The following PUDP variants were observed in gnomAD, a reference collection of about 807,000 sequenced individuals.
PUDP encodes pseudouridine 5'-phosphatase.
In PUDP, 8 loss-of-function variants were observed where a neutral mutation model predicts 9.4. The ratio of observed to expected loss-of-function variants is 0.85; its 90% CI spans 0.50 to 1.53. PUDP has a LOEUF of 1.53. Among genes scored for constraint, PUDP ranks in the 40% most tolerant of loss-of-function variants. The probability of loss-of-function intolerance (pLI) is 0.00; values close to 1 mark genes in which losing one functional copy is unlikely to be tolerated. For synonymous variants in PUDP, 99 were observed against 80.7 expected (o/e 1.23, Z -1.22); for missense variants, 188 against 189.7 (o/e 0.99, Z 0.05).
intron 1 of PUDP, among the ~76,000 whole-genome samples, chrX:6,707,717 T>C (rs951003258): frequency 9.0e-6 from 1 of 111,608 alleles, no homozygotes; most frequent in Non-Finnish European, 1.9e-5. Context: ...CTTCCCTCAC[T>C]AGCCCGCCAC....
At chrX:7,036,089 A>G (rs1489217202) in intron 1 of PUDP, among the ~76,000 whole-genome samples, 1 of 112,046 alleles carries the variant, frequency 8.9e-6, no homozygotes, top group Non-Finnish European at 1.9e-5. Context: ...CCAGACAAAG[A>G]TGCCCAATTT....
At chrX:7,111,904 G>T (rs1402759817) in intron 1 of PUDP, among the ~76,000 whole-genome samples, 1 of 110,514 alleles carries the variant, frequency 9.0e-6, no homozygotes, top group Non-Finnish European at 1.9e-5. Context: ...GACAAGATCT[G>T]CTGTCTCCCT....
intron 3 of PUDP, among the ~76,000 whole-genome samples, chrX:6,949,998 G>A (rs1286934779): frequency 9.0e-6 from 1 of 111,258 alleles, no homozygotes; most frequent in East Asian, 2.9e-4. Context: ...ACCTTGCCCT[G>A]TCTCCAGTAT....
intron 3 of PUDP, among the ~76,000 whole-genome samples, chrX:6,924,078 C>A (rs1203383019): frequency 1.8e-5 from 2 of 111,200 alleles, no homozygotes; most frequent in Non-Finnish European, 3.8e-5. Context: ...TCTAAGGGAG[C>A]CCTTCCCAGA....
chrX:7,130,374 C>CAA (rs2146925670), intron 1 of PUDP, among the ~76,000 whole-genome samples: 1 of 109,909 alleles, frequency 9.1e-6, no homozygotes, highest in East Asian at 2.9e-4. Context: ...ACATACTACA[C>CAA]ACACACACAC....
chrX:6,823,448 A>T (rs1163725035), intron 3 of PUDP, among the ~76,000 whole-genome samples: 2 of 111,661 alleles, frequency 1.8e-5, no homozygotes, highest in Non-Finnish European at 3.8e-5. Flanking sequence ...AATATTTACC[A>T]TCTCTTCTCT....
chrX:7,080,420 T>C (rs1931046839), intron 2 of PUDP, among the ~76,000 whole-genome samples: 1 of 111,815 alleles, frequency 8.9e-6, no homozygotes, highest in South Asian at 3.7e-4. Context: ...AAACAGACTT[T>C]TCAGGAAATT....
chrX:6,731,750 AAGGGAGGG>A (rs777733500), intron 3 of PUDP, among the ~76,000 whole-genome samples: 4 of 78,675 alleles, frequency 5.1e-5, no homozygotes, highest in Non-Finnish European at 9.1e-5. Context: ...GGAAGGAAGG[AAGGGAGGG>A]AGGGAGGGAG....
At position 7,075,505 on chromosome X, in the gene PUDP, AAAAC is replaced by A. The variant is rs60328433; in HGVS notation, c.510+1711_510+1714del. On this transcript the variant is annotated intron_variant, in intron 3 of 3. Transcript: ENST00000381077. ...GGGCAACAGAACGAGACTCCATCTC[AAAAC>A]AAACAAACAAACAAACAAACAAGAC... Among the ~76,000 whole-genome samples, 448 of 107,835 alleles carry A rather than the reference AAAAC, an allele frequency of 4.2e-3. 3 individuals are homozygous for A. The highest frequency in any genetic ancestry group is 0.014 in the African/African-American group (421 of 29,440). 93.6% of individuals were successfully genotyped at this position (107,835 alleles called of 115,157 possible). A position where few individuals can be genotyped will look rare whatever the true frequency, so the allele number is the denominator to read the frequency against.
At chrX:6,792,483 T>C (rs1925764991) in intron 3 of PUDP, among the ~76,000 whole-genome samples, 2 of 109,186 alleles carry the variant, frequency 1.8e-5, no homozygotes, top group Non-Finnish European at 1.9e-5. Context: ...TAAAACCTAG[T>C]TGACCTTCCT....
At chrX:6,729,385 G>C (rs911970281) in intron 3 of PUDP, among the ~76,000 whole-genome samples, 13 of 112,058 alleles carry the variant, frequency 1.2e-4, no homozygotes, top group African/African-American at 4.2e-4. Flanking sequence ...TACATACGTT[G>C]ACTGATGTCT....
chrX:7,089,350 G>A (rs1458319067), intron 2 of PUDP, among the ~76,000 whole-genome samples: 1 of 111,612 alleles, frequency 9.0e-6, no homozygotes, highest in Non-Finnish European at 1.9e-5. Flanking sequence ...GAAGGGACCT[G>A]GTGGGCTCAC....
intron 3 of PUDP, among the ~76,000 whole-genome samples, chrX:6,806,840 A>G (rs931302731): frequency 8.9e-6 from 1 of 112,677 alleles, no homozygotes; most frequent in African/African-American, 3.2e-5. Context: ...CTGAAATTCC[A>G]CTAAGGCATC....
chrX:7,064,341 G>A (rs1236791861), intron 3 of PUDP, among the ~76,000 whole-genome samples: 2 of 111,558 alleles, frequency 1.8e-5, no homozygotes, highest in African/African-American at 3.3e-5. Context: ...AAATAATGAG[G>A]GCATTCTACA....
chrX:6,719,226 T>C (rs1266394948), intron 1 of PUDP, among the ~76,000 whole-genome samples: 1 of 111,952 alleles, frequency 8.9e-6, no homozygotes, highest in Non-Finnish European at 1.9e-5. Context: ...CCTTGGCTTG[T>C]AGACGCTGTC....
At chrX:7,050,554 T>C (rs754524342) in intron 3 of PUDP, 82 bp from the exon 4 acceptor site, 165 of 883,803 alleles carry the variant, frequency 1.9e-4, no homozygotes, top group Admixed American at 1.9e-4. Context: ...TCGTCACCAT[T>C]GGCTCTGCAA....
intron 3 of PUDP, among the ~76,000 whole-genome samples, chrX:6,933,823 T>C (rs1170020925): frequency 9.0e-6 from 1 of 111,067 alleles, no homozygotes. Context: ...GCTCGAGAAC[T>C]AGGTGAAGAA....
intron 3 of PUDP, among the ~76,000 whole-genome samples, chrX:6,793,738 T>C (rs771328438): frequency 1.8e-5 from 2 of 111,232 alleles, no homozygotes; most frequent in African/African-American, 6.5e-5. Context: ...GGCTAATGCC[T>C]GTTCAGACTG....
At chrX:7,107,644 T>C (rs1404337003) in intron 1 of PUDP, among the ~76,000 whole-genome samples, 1 of 111,693 alleles carries the variant, frequency 9.0e-6, no homozygotes, top group African/African-American at 3.3e-5. Flanking sequence ...CTGGGCAACA[T>C]GGCAAAACCC....
Sources: gnomAD v4.1 joint callset for allele counts (sites outside exome capture counted in the v4.1 genomes callset) on GRCh38, gnomAD v4.1.1 for gene constraint, MANE v1.5 for transcripts, NCBI Gene and HGNC (gene_info 2026-07-23, HGNC 2026-07-21) for gene names.